FCRL5: variants seen among roughly 807,000 people sequenced by gnomAD.
FCRL5 encodes Fc receptor-like protein 5.
In FCRL5, 79 loss-of-function variants were observed where a neutral mutation model predicts 92.1. The ratio of observed to expected loss-of-function variants is 0.86; its 90% CI spans 0.72 to 1.03. FCRL5 has a LOEUF of 1.03. Among genes scored for constraint, FCRL5 ranks in the 50% least tolerant of loss-of-function variants. The probability of loss-of-function intolerance (pLI) is 0.00; values close to 1 mark genes in which losing one functional copy is unlikely to be tolerated. For synonymous variants in FCRL5, 466 were observed against 469.3 expected, an observed-to-expected ratio of 0.99 and a Z score of 0.09; for missense variants, 1,160 against 1,181.1, an observed-to-expected ratio of 0.98 and a Z score of 0.26.
At chr1:157,545,522 G>GTTTTTTTTTTT (rs754972248) in intron 3 of FCRL5, among the ~76,000 whole-genome samples, 6 of 84,940 alleles carry the variant, frequency 7.1e-5, no homozygotes, top group African/African-American at 1.0e-4. Flanking sequence ...TCTTTAATGA[G>GTTTTTTTTTTT]TTTTTTTTTT....
chr1:157,543,499 T>A (rs1259920783), intron 5 of FCRL5, among the ~76,000 whole-genome samples: 1 of 152,184 alleles, frequency 6.6e-6, no homozygotes, highest in Non-Finnish European at 1.5e-5. Flanking sequence ...CCTTCTTTAT[T>A]TACAGGTGAG....
intron 8 of FCRL5, chr1:157,534,276 T>G (rs1479567743): frequency 2.9e-6 from 2 of 683,264 alleles, no homozygotes; most frequent in Admixed American, 4.1e-5. Flanking sequence ...AGACTGTGCT[T>G]GTAGCTAAGT....
At chr1:157,549,942 A>G (rs1198245553) in intron 1 of FCRL5, among the ~76,000 whole-genome samples, 1 of 151,982 alleles carries the variant, frequency 6.6e-6, no homozygotes, top group Non-Finnish European at 1.5e-5. Context: ...AGTGTGTAGG[A>G]TATATGTGTG....
In FCRL5 at chr1:157,520,454, T is replaced by C; in HGVS notation, c.2609A>G (p.Tyr870Cys). ...AGLAAGALLL[Y>C]CWLSRKAGRK... ...ACCTGCTTTTCTCGAGAGCCAGCAG[T>C]AGAGCAGCAGTGCCCCCGCAGCAAG... Residue 870 changes from tyrosine (Y) to cysteine (C), a missense_variant, in exon 12 of 17, where the codon TAC (tyrosine) becomes TGC (cysteine). Tyr to Cys is a radical substitution (Grantham distance 194). Transcript: ENST00000361835. The C allele has an allele frequency of 1.3e-6, 2 of 1,573,676 alleles. No homozygotes were observed.
intron 5 of FCRL5, among the ~76,000 whole-genome samples, chr1:157,543,615 T>A (rs969941014): frequency 5.3e-5 from 8 of 152,150 alleles, no homozygotes; most frequent in African/African-American, 1.9e-4. Context: ...GATGATCACA[T>A]TGCCTCCTTA....
Position 157,544,223 on chromosome 1 carries a change from C to A in FCRL5, c.844+39G>T, listed in dbSNP as rs757043999. The stretch of plus-strand genomic sequence containing the variant: ...ATGCAGCCCTGTCCCACTTTTCCAG[C>A]CCTCTCTGCAGCAAATCTCAGGTTC... On this transcript the variant is annotated intron_variant, in intron 5 of 16. Transcript: ENST00000361835. 21 of 1,605,814 alleles carry A rather than the reference C, an allele frequency of 1.3e-5. No homozygotes were observed. In the African/African-American group the frequency reaches 2.5e-4, roughly 19 times the overall value.
intron 13 of FCRL5, chr1:157,519,037 T>A (rs1332363668): frequency 3.2e-6 from 1 of 315,894 alleles, no homozygotes; most frequent in African/African-American, 2.2e-5. Context: ...TTCTATTTCA[T>A]CCTCGTTTTA....
chr1:157,549,705 A>G, intron 1 of FCRL5, 125 bp from the exon 2 acceptor site: 1 of 668,106 alleles, frequency 1.5e-6, no homozygotes, highest in Non-Finnish European at 2.5e-6. Flanking sequence ...AAAAACTCTA[A>G]TAATTATTCA....
chr1:157,551,299 T>C (rs1390076153), intron 1 of FCRL5, among the ~76,000 whole-genome samples: 6 of 152,200 alleles, frequency 3.9e-5, no homozygotes, highest in East Asian at 1.9e-4. Flanking sequence ...ATTACCCACA[T>C]TGTGTGGGGC....
In FCRL5 at chr1:157,524,493, C is replaced by G; in HGVS notation, c.2025G>C (p.Leu675=). The G allele has an allele frequency of 6.2e-7, 1 of 1,614,108 alleles. No homozygotes were observed. Among genetic ancestry groups the G allele is most frequent in the Admixed American group, 1.7e-5 (1 of 60,030 alleles). ...TCAGGGCCTCACAGTGAAGCTCCAG[C>G]AGGTCCCCCACCACAGCCTGGGCCC... ...APRAQAVVGD[L]LELHCEALRG... The change falls in exon 10 of 17, where the codon CTG becomes CTC. Residue 675 remains leucine, a synonymous_variant. Transcript: ENST00000361835.
intron 13 of FCRL5, chr1:157,519,064 G>C (rs533059770): frequency 1.5e-5 from 4 of 264,372 alleles, no homozygotes; most frequent in East Asian, 7.8e-5. Flanking sequence ...ACAAACGGAG[G>C]CTCCAATAAG....
chr1:157,542,520 G>A lies in FCRL5; in HGVS notation c.1123+339C>T, dbSNP rs191203780. On this transcript the variant is annotated intron_variant, in intron 6 of 16. Transcript: ENST00000361835. Reference sequence around the variant, plus strand: ...CTCTGTGCTCCTGGAAATTGAGTCTGTGTCTACTGAGAATAATATAGTGAA... The same window carrying A: ...CTCTGTGCTCCTGGAAATTGAGTCTATGTCTACTGAGAATAATATAGTGAA... 7.8e-4 allele frequency: 203 copies of A among 259,756 alleles called. 1 individual carries two copies. The highest frequency in any genetic ancestry group is 3.0e-3 in the Admixed American group (62 of 20,850). 16.1% of individuals were successfully genotyped at this position (259,756 alleles called of 1,614,324 possible).
chr1:157,544,155 C>T, intron 5 of FCRL5, 107 bp downstream of exon 5: 1 of 1,159,832 alleles, frequency 8.6e-7, no homozygotes. Flanking sequence ...CCCATTCTCA[C>T]AGGTACGAGT....
At chr1:157,542,691 A>C in intron 6 of FCRL5, 168 bp downstream of exon 6, 1 of 814,170 alleles carries the variant, frequency 1.2e-6, no homozygotes, top group Admixed American at 2.5e-5. Flanking sequence ...ATGCAACGAG[A>C]CTCAAGAGGC....
intron 6 of FCRL5, chr1:157,542,502 C>T: frequency 4.4e-6 from 1 of 228,032 alleles, no homozygotes; most frequent in Non-Finnish European, 8.7e-6. Context: ...TACCTCTGTG[C>T]TCCTGGAAAT....
At chr1:157,548,974 G>T (rs1651684831) in intron 2 of FCRL5, among the ~76,000 whole-genome samples, 1 of 152,006 alleles carries the variant, frequency 6.6e-6, no homozygotes, top group African/African-American at 2.4e-5. Context: ...TGCTATAAAG[G>T]CACATGCACA....
Position 157,521,105 on chromosome 1 carries a change from CAGAG to C in FCRL5, c.2423_2426del (p.Ser808Ter), listed in dbSNP as rs773924683. ...AGTAGTTTCCAGAGTGCTCTGCAGT[CAGAG>C]AGAGGTTTAAGGACGCTCCTCCAGA... On this transcript the variant is annotated frameshift_variant, in exon 11 of 17. Coordinates refer to ENST00000361835, the MANE Select transcript of FCRL5 (RefSeq NM_031281.3). LOFTEE classifies it high-confidence loss of function. 1.9e-5 allele frequency: 30 copies of C among 1,614,034 alleles called. No individual in the cohort carries two copies. Among genetic ancestry groups the C allele is most frequent in the Non-Finnish European group, 2.5e-5 (30 of 1,180,046 alleles).
At position 157,518,711 on chromosome 1, in the gene FCRL5, A is replaced by T. The variant is rs749544661; in HGVS notation, c.2732T>A (p.Val911Glu). 1.9e-6 allele frequency: 3 copies of T among 1,612,794 alleles called. No individual in the cohort carries two copies. Among genetic ancestry groups the T allele is most frequent in the Non-Finnish European group, 2.5e-6 (3 of 1,179,696 alleles). Reference sequence around the variant, plus strand: ...TCCTCGGGCCTCACCATTAGTGTACACTGGTTGCAGCTCTTCCCAGGCTGG... The same window carrying T: ...TCCTCGGGCCTCACCATTAGTGTACTCTGGTTGCAGCTCTTCCCAGGCTGG... ...NVPAWEELQP[V>E]YTNANPRGEN... Residue 911 changes from valine to glutamate, a missense_variant, in exon 14 of 17, where the codon GTG becomes GAG. Coordinates refer to ENST00000361835, the MANE Select transcript of FCRL5 (RefSeq NM_031281.3).
chr1:157,523,400 A>G (rs577878429), intron 10 of FCRL5, among the ~76,000 whole-genome samples: 38 of 152,346 alleles, frequency 2.5e-4, no homozygotes, highest in African/African-American at 9.1e-4. Flanking sequence ...CATGATTTTC[A>G]TCTAGTCTGA....
Sources: gnomAD v4.1 joint callset for allele counts (sites outside exome capture counted in the v4.1 genomes callset) on GRCh38, gnomAD v4.1.1 for gene constraint, MANE v1.5 for transcripts, NCBI Gene and HGNC (gene_info 2026-07-23, HGNC 2026-07-21) for gene names.